FAM120A: variants seen among roughly 807,000 people sequenced by gnomAD.
FAM120A encodes constitutive coactivator of PPAR-gamma-like protein 1.
FAM120A carries 15 observed loss-of-function variants against 109.7 expected under a neutral mutation model. The ratio of observed to expected loss-of-function variants is 0.14; its 90% CI spans 0.09 to 0.21. The LOEUF (loss-of-function observed/expected upper bound fraction) is 0.21. Ranked by LOEUF, FAM120A falls within the 10% of genes least tolerant of loss-of-function variation. FAM120A has a pLI of 1.00. For synonymous variants in FAM120A, 493 were observed against 572.8 expected (o/e 0.86, Z 1.99); for missense variants, 899 against 1,439.3 (o/e 0.62, Z 6.07).
intron 10 of FAM120A, among the ~76,000 whole-genome samples, chr9:93,538,426 C>G (rs981902204): frequency 6.6e-6 from 1 of 152,150 alleles, no homozygotes; most frequent in Non-Finnish European, 1.5e-5. Context: ...TGTTTCTCTC[C>G]TGATATAAAT....
intron 7 of FAM120A, among the ~76,000 whole-genome samples, chr9:93,523,710 T>G (rs944349204): frequency 3.3e-5 from 5 of 152,240 alleles, no homozygotes; most frequent in African/African-American, 4.8e-5. Context: ...TCACACTGTC[T>G]TCTGATGACA....
rs1859767136 is a variant in FAM120A, at chr9:93,500,775, C to T, written c.1030+1889C>T. Among the ~76,000 whole-genome samples the T allele has an allele frequency of 6.6e-6, 1 of 152,164 alleles. No homozygotes were observed. On this transcript the variant is annotated intron_variant, in intron 5 of 17. Coordinates refer to ENST00000277165, the MANE Select transcript of FAM120A (RefSeq NM_014612.5). The surrounding 1 kb of genome is among the most constrained non-coding windows in gnomAD (Gnocchi z 4.6). Reference sequence around the variant, plus strand: ...ATTATGGGACCAGATCTCAGTGTGTCTACTGTATACCCTGCACACAGAAGA... The same window carrying T: ...ATTATGGGACCAGATCTCAGTGTGTTTACTGTATACCCTGCACACAGAAGA...
At chr9:93,560,991 A>T in intron 15 of FAM120A, 118 bp from the exon 16 acceptor site, 1 of 1,101,774 alleles carries the variant, frequency 9.1e-7, no homozygotes, top group Non-Finnish European at 1.3e-6. Flanking sequence ...AAACAGGAGA[A>T]AGTAGCTTCA....
chr9:93,497,693 G>T, intron 4 of FAM120A, 94 bp downstream of exon 4: 1 of 1,425,918 alleles, frequency 7.0e-7, no homozygotes. Context: ...GGACTTGAGG[G>T]TGCAAGCTGA....
chr9:93,534,575 C>T (rs190376455), intron 10 of FAM120A, among the ~76,000 whole-genome samples: 4 of 152,216 alleles, frequency 2.6e-5, no homozygotes, highest in Non-Finnish European at 4.4e-5. Context: ...GACAAGGGAA[C>T]GCCGTATCTT....
chr9:93,485,812 C>T (rs1041605200), intron 3 of FAM120A, among the ~76,000 whole-genome samples: 10 of 152,144 alleles, frequency 6.6e-5, no homozygotes, highest in African/African-American at 2.2e-4. Context: ...CTCTACAACC[C>T]CTTGGCCAAC....
rs1862350605 is a variant in FAM120A, at chr9:93,557,983, T to C, written c.2641T>C (p.Ser881Pro). 6.2e-7 allele frequency: 1 copy of C among 1,600,880 alleles called. No individual in the cohort carries two copies. The change falls in exon 14 of 18, where the codon TCT (serine) becomes CCT (proline). Residue 881 changes from serine (S) to proline (P), a missense_variant. By Grantham distance (74) the Ser-to-Pro change is moderately conservative. Transcript: ENST00000277165. ...CCGGCACTTTGGGCCTGTCCCACCCTCTCAGGGCAGGGGCAGAGGCTTTGC... is the reference window on the plus strand; with the variant it reads ...CCGGCACTTTGGGCCTGTCCCACCCCCTCAGGGCAGGGGCAGAGGCTTTGC... ...YPRHFGPVPP[S>P]QGRGRGFAGV... is the part of the protein sequence containing the mutation.
At chr9:93,548,594 C>T in intron 11 of FAM120A, among the ~76,000 whole-genome samples, 1 of 151,902 alleles carries the variant, frequency 6.6e-6, no homozygotes, top group Middle Eastern at 3.2e-3. Flanking sequence ...GTGTATTTTA[C>T]CTCAATTAAA....
intron 16 of FAM120A, 116 bp downstream of exon 16, chr9:93,561,366 T>A: frequency 1.1e-6 from 1 of 897,720 alleles, no homozygotes; most frequent in Non-Finnish European, 1.7e-6. Context: ...CATTCTTCTT[T>A]AATATCATTT....
At chr9:93,513,563 T>G (rs1449564216) in intron 5 of FAM120A, among the ~76,000 whole-genome samples, 1 of 152,220 alleles carries the variant, frequency 6.6e-6, no homozygotes, top group East Asian at 1.9e-4. Context: ...ACTGCAGTTG[T>G]TTTTGTTTGG....
At chr9:93,512,330 G>C (rs1860358534) in intron 5 of FAM120A, among the ~76,000 whole-genome samples, 1 of 152,110 alleles carries the variant, frequency 6.6e-6, no homozygotes, top group Non-Finnish European at 1.5e-5. Context: ...CTGCATATAG[G>C]CGTAAGTGAG....
chr9:93,557,026 AT>A lies in FAM120A; in HGVS notation c.2484+437del, dbSNP rs201229000. Among the ~76,000 whole-genome samples the A allele has an allele frequency of 6.3e-3, 959 of 152,080 alleles. 9 individuals are homozygous for A. Among genetic ancestry groups the A allele is most frequent in the African/African-American group, 0.022 (899 of 41,464 alleles). On this transcript the variant is annotated intron_variant, in intron 13 of 17. Transcript: ENST00000277165. ...AGCCAGTAGCTTCTGTAACACGTAT[AT>A]TCTCTGTAAGGCACATCACAGCCTC...
rs1228361718 is a variant in FAM120A at position 93,498,397 on chromosome 9, G to C, written c.934-393G>C. ...GAAAGAGCGAAACTCCGTCTCAGAA[G>C]AAAAAGAGAGAGCTGAAACCCTGGG... On this transcript the variant is annotated intron_variant, in intron 4 of 17. Transcript: ENST00000277165. The surrounding 1 kb of genome is among the most constrained non-coding windows in gnomAD (Gnocchi z 4.4). Among the ~76,000 whole-genome samples the C allele has an allele frequency of 6.6e-6, 1 of 152,128 alleles. No homozygotes were observed. Among genetic ancestry groups the C allele is most frequent in the African/African-American group, 2.4e-5 (1 of 41,434 alleles).
At chr9:93,554,184 C>G (rs923745758) in intron 12 of FAM120A, among the ~76,000 whole-genome samples, 3 of 149,758 alleles carry the variant, frequency 2.0e-5, no homozygotes, top group East Asian at 2.0e-4. Flanking sequence ...CACACACTAG[C>G]CTTGCTGCAT....
chr9:93,537,174 G>A (rs922602937), intron 10 of FAM120A, among the ~76,000 whole-genome samples: 4 of 152,162 alleles, frequency 2.6e-5, no homozygotes, highest in African/African-American at 7.2e-5. Flanking sequence ...TCTTCTACTC[G>A]TTCCTGTGGT....
intron 12 of FAM120A, among the ~76,000 whole-genome samples, chr9:93,551,148 A>G (rs139670960): frequency 1.9e-4 from 29 of 152,324 alleles, no homozygotes; most frequent in African/African-American, 5.3e-4. Context: ...CCCCTCAACT[A>G]TTATAAAATC....
At chr9:93,474,970 G>C (rs1858485470) in intron 2 of FAM120A, among the ~76,000 whole-genome samples, 1 of 152,210 alleles carries the variant, frequency 6.6e-6, no homozygotes, top group Admixed American at 6.5e-5. Flanking sequence ...AACCTGAGCA[G>C]TTACGGTTCA....
chr9:93,558,429 C>A, intron 14 of FAM120A, 152 bp from the exon 15 acceptor site: 2 of 954,554 alleles, frequency 2.1e-6, no homozygotes, highest in Non-Finnish European at 3.1e-6. Context: ...CCCCAGGGAC[C>A]ATGGGCACAG....
At chr9:93,553,127 G>A (rs1862162438) in intron 12 of FAM120A, among the ~76,000 whole-genome samples, 1 of 152,192 alleles carries the variant, frequency 6.6e-6, no homozygotes, top group Non-Finnish European at 1.5e-5. Flanking sequence ...GACAGTGATT[G>A]ATGACCCTCA....
Sources: allele counts gnomAD v4.1 joint callset (sites outside exome capture counted in the v4.1 genomes callset), GRCh38; gene constraint gnomAD v4.1.1; non-coding constraint Gnocchi (gnomAD v3.1); transcripts MANE v1.5; gene names NCBI Gene and HGNC (gene_info 2026-07-23, HGNC 2026-07-21).